The following OXCT1 variants were observed in gnomAD, a reference collection of about 807,000 sequenced individuals.
OXCT1 encodes the protein succinyl-CoA:3-ketoacid coenzyme A transferase 1, mitochondrial.
In OXCT1, 27 loss-of-function variants were observed where a neutral mutation model predicts 69.6. The observed-to-expected ratio is 0.39, with a 90% CI of 0.29 to 0.54. The LOEUF (loss-of-function observed/expected upper bound fraction) is 0.54. OXCT1 is among the 20% of genes least tolerant of loss of function. The probability of loss-of-function intolerance (pLI) is 0.72; values close to 1 mark genes in which losing one functional copy is unlikely to be tolerated. For synonymous variants in OXCT1, 202 were observed against 217.8 expected, an observed-to-expected ratio of 0.93 and a Z score of 0.64; for missense variants, 437 against 650.2, an observed-to-expected ratio of 0.67 and a Z score of 3.57.
chr5:41,793,675 T>G (rs1746040513), intron 13 of OXCT1, among the ~76,000 whole-genome samples: 1 of 152,230 alleles, frequency 6.6e-6, no homozygotes, highest in Non-Finnish European at 1.5e-5. Context: ...CTTCCTAGTT[T>G]AAAATTTTAG....
chr5:41,750,411 A>C (rs1333841212), intron 14 of OXCT1, among the ~76,000 whole-genome samples: 12 of 151,948 alleles, frequency 7.9e-5, no homozygotes, highest in Admixed American at 5.9e-4. Context: ...CAGTTGAAAC[A>C]TTGGCTCTGA....
Position 41,731,559 on chromosome 5 carries a change from T to C in OXCT1, c.*170A>G. 1 of 1,038,730 alleles carries C rather than the reference T, an allele frequency of 9.6e-7. No individual in the cohort carries two copies. Among genetic ancestry groups the C allele is most frequent in the Admixed American group, 2.8e-5 (1 of 35,404 alleles). The allele number at this position is 1,038,730 out of a possible 1,614,324, so 64.3% of individuals were successfully genotyped here. A position where few individuals can be genotyped will look rare whatever the true frequency, so the allele number is the denominator to read the frequency against. On this transcript the variant is annotated 3_prime_UTR_variant, in exon 17 of 17. Coordinates refer to ENST00000196371, the MANE Select transcript of OXCT1 (RefSeq NM_000436.4). Reference sequence around the variant, plus strand: ...ATGCTCCTTTTGCTTTTTATTAAAATGTCACAGCATGCCTAGAGAACAGTT... The same window carrying C: ...ATGCTCCTTTTGCTTTTTATTAAAACGTCACAGCATGCCTAGAGAACAGTT...
chr5:41,802,973 G>T, intron 10 of OXCT1, 96 bp downstream of exon 10: 1 of 861,602 alleles, frequency 1.2e-6, no homozygotes, highest in Non-Finnish European at 1.9e-6. Context: ...CACCCTAAAA[G>T]CTATTGAAAT....
chr5:41,847,308 A>T (rs1006275472), intron 5 of OXCT1, among the ~76,000 whole-genome samples: 98 of 152,280 alleles, frequency 6.4e-4, no homozygotes, highest in African/African-American at 2.3e-3. Flanking sequence ...AACCAAAAAC[A>T]GTCCAGGACC....
chr5:41,739,796 G>A (rs1266210198), intron 15 of OXCT1: 7 of 343,366 alleles, frequency 2.0e-5, no homozygotes, highest in African/African-American at 8.6e-5. Flanking sequence ...GCGTGAACCC[G>A]AGAGGCGGAG....
At chr5:41,811,486 G>A (rs1043128256) in intron 7 of OXCT1, among the ~76,000 whole-genome samples, 1 of 151,970 alleles carries the variant, frequency 6.6e-6, no homozygotes, top group Non-Finnish European at 1.5e-5. Context: ...AGAAAGAGGA[G>A]GTCAGCATGT....
rs1266931189 is a variant in OXCT1, at chr5:41,862,727, G to A, written c.102C>T (p.Thr34=). Residue 34 remains threonine, a synonymous_variant, in exon 2 of 17, where the codon ACC becomes ACT. Coordinates refer to ENST00000196371, the MANE Select transcript of OXCT1 (RefSeq NM_000436.4). ...WYKGCVCSFS[T]SAHRHTKFYT... is the part of the protein sequence containing the mutation. ...AAAACTTGGTATGGCGATGAGCACT[G>A]GTGGAAAAGGAACAAACACATCCCT... The A allele has an allele frequency of 1.2e-6, 2 of 1,609,690 alleles. No individual in the cohort carries two copies. The highest frequency in any genetic ancestry group is 1.7e-6 in the Non-Finnish European group (2 of 1,176,786).
At chr5:41,802,863 C>A (rs772003249) in intron 10 of OXCT1, among the ~76,000 whole-genome samples, 5 of 152,098 alleles carry the variant, frequency 3.3e-5, no homozygotes, top group Middle Eastern at 3.4e-3. Flanking sequence ...TAAGCTTGGG[C>A]ACTTTATGCA....
intron 5 of OXCT1, among the ~76,000 whole-genome samples, chr5:41,849,482 C>T (rs1378027846): frequency 3.3e-5 from 5 of 152,126 alleles, no homozygotes; most frequent in Admixed American, 6.6e-5. Flanking sequence ...TAGATGTACC[C>T]CATCCTACTC....
In OXCT1 at chr5:41,842,690, C is replaced by T. The variant is rs121909302; in HGVS notation, c.656G>A (p.Gly219Glu). 6.2e-7 allele frequency: 1 copy of T among 1,612,262 alleles called. No homozygotes were observed. The highest frequency in any genetic ancestry group is 8.5e-7 in the Non-Finnish European group (1 of 1,178,272). Residue 219 changes from glycine (G) to glutamate (E), a missense_variant, in exon 6 of 17, where the codon GGA becomes GAA. Gly to Glu is a moderately conservative substitution (Grantham distance 98). This residue lies in a region of OXCT1 where 252 missense variants were observed against 397.4 expected (regional missense o/e 0.63). Coordinates refer to ENST00000196371, the MANE Select transcript of OXCT1 (RefSeq NM_000436.4). ...LVKAWKADRA[G>E]NVIFRKSARN... ...ATCACAATACCTGAAAATCACGTTT[C>T]CTGCTCGGTCCGCCTTCCAGGCTTT...
chr5:41,824,857 T>C (rs973526919), intron 7 of OXCT1, among the ~76,000 whole-genome samples: 1 of 152,200 alleles, frequency 6.6e-6, no homozygotes, highest in Admixed American at 6.6e-5. Context: ...TTAACCTGTA[T>C]TCGCCTGAGT....
chr5:41,810,256 G>C (rs1037701636), intron 7 of OXCT1, among the ~76,000 whole-genome samples: 2 of 151,972 alleles, frequency 1.3e-5, no homozygotes, highest in Admixed American at 6.6e-5. Context: ...AACCTGATGA[G>C]AAAATGATGA....
intron 13 of OXCT1, among the ~76,000 whole-genome samples, chr5:41,783,096 A>C (rs1745489257): frequency 6.6e-6 from 1 of 152,262 alleles, no homozygotes; most frequent in South Asian, 2.1e-4. Flanking sequence ...TTATGGATAG[A>C]ATATGTGCAG....
chr5:41,823,118 C>T (rs1747641259), intron 7 of OXCT1, among the ~76,000 whole-genome samples: 1 of 152,122 alleles, frequency 6.6e-6, no homozygotes, highest in South Asian at 2.1e-4. Flanking sequence ...AATCCAAGTA[C>T]TCTTTCAAAT....
chr5:41,755,569 G>C (rs1744028431), intron 14 of OXCT1, among the ~76,000 whole-genome samples: 2 of 151,954 alleles, frequency 1.3e-5, no homozygotes, highest in African/African-American at 4.8e-5. Flanking sequence ...CCCAAGAAAG[G>C]GTTTTCCTTA....
intron 7 of OXCT1, among the ~76,000 whole-genome samples, chr5:41,837,255 A>T (rs973921664): frequency 2.0e-5 from 3 of 151,788 alleles, no homozygotes; most frequent in African/African-American, 7.3e-5. Context: ...TCTAATCCAG[A>T]TTCCACAATT....
chr5:41,843,721 A>C (rs1388236310), intron 5 of OXCT1: 1 of 306,470 alleles, frequency 3.3e-6, no homozygotes, highest in East Asian at 9.1e-5. Flanking sequence ...AAAACAGACT[A>C]AGTGCGTTTT....
chr5:41,779,781 C>T (rs56968571), intron 13 of OXCT1, among the ~76,000 whole-genome samples: 7,630 of 151,124 alleles, frequency 0.05, 648 homozygotes, highest in African/African-American at 0.17. Flanking sequence ...TAAAGAGTAA[C>T]TCCTCCAAGC....
chr5:41,843,582 T>C (rs1381530398), intron 5 of OXCT1: 2 of 456,186 alleles, frequency 4.4e-6, no homozygotes, highest in Admixed American at 4.7e-5. Flanking sequence ...TGCCATCATG[T>C]TCTTTTATTC....
Sources: allele counts gnomAD v4.1 joint callset (sites outside exome capture counted in the v4.1 genomes callset), GRCh38; gene constraint gnomAD v4.1.1; regional missense constraint gnomAD v4.1.1; transcripts MANE v1.5; gene names NCBI Gene and HGNC (gene_info 2026-07-23, HGNC 2026-07-21).